The following ARB2A variants were observed in gnomAD, a reference collection of about 807,000 sequenced individuals.
ARB2A encodes cotranscriptional regulator ARB2A.
At chr5:93,707,864 C>T in the ARB2A span, among the ~76,000 whole-genome samples, 16 of 152,218 alleles carry the variant, frequency 1.1e-4, no homozygotes, top group South Asian at 4.1e-4. Context: ...GATGAGCCAC[C>T]GCGCTCGACC....
At chr5:94,053,463 C>A in the ARB2A span, among the ~76,000 whole-genome samples, 8 of 152,014 alleles carry the variant, frequency 5.3e-5, no homozygotes, top group Non-Finnish European at 8.8e-5. Context: ...TTCTATACAC[C>A]ATTATATTTA....
At chr5:93,833,589 G>A in the ARB2A span, among the ~76,000 whole-genome samples, 2 of 152,104 alleles carry the variant, frequency 1.3e-5, no homozygotes, top group African/African-American at 4.8e-5. Context: ...CTTTTCAAAA[G>A]AATAAATCAA....
At chr5:93,967,994 G>A in the ARB2A span, among the ~76,000 whole-genome samples, 3 of 152,120 alleles carry the variant, frequency 2.0e-5, no homozygotes, top group South Asian at 6.2e-4. Context: ...AGACAATAGA[G>A]GAGACAAAAA....
the ARB2A span, among the ~76,000 whole-genome samples, chr5:93,699,462 C>T: frequency 3.0e-4 from 46 of 152,210 alleles, no homozygotes; most frequent in Non-Finnish European, 4.1e-4. Flanking sequence ...CACTGGTATT[C>T]ACTAACCATT....
At chr5:93,914,092 A>C in the ARB2A span, among the ~76,000 whole-genome samples, 1 of 151,940 alleles carries the variant, frequency 6.6e-6, no homozygotes, top group Non-Finnish European at 1.5e-5. Context: ...GAACAAAGAA[A>C]GTCACAGTAG....
the ARB2A span, among the ~76,000 whole-genome samples, chr5:94,083,369 A>G: frequency 6.6e-6 from 1 of 152,222 alleles, no homozygotes; most frequent in Non-Finnish European, 1.5e-5. Context: ...AGCACAATAC[A>G]AAACATTAGA....
chr5:93,872,093 C>T, the ARB2A span, among the ~76,000 whole-genome samples: 2 of 151,720 alleles, frequency 1.3e-5, no homozygotes, highest in African/African-American at 4.8e-5. Context: ...GGACTACAGG[C>T]GCGCACCACC....
At chr5:94,002,709 T>TA in the ARB2A span, among the ~76,000 whole-genome samples, 281 of 150,870 alleles carry the variant, frequency 1.9e-3, 1 homozygote, top group Admixed American at 0.015. Flanking sequence ...TCTTTTTTTT[T>TA]AAAAAAAAAG....
chr5:94,042,399 G>A, the ARB2A span, among the ~76,000 whole-genome samples: 20 of 139,954 alleles, frequency 1.4e-4, 1 homozygote, highest in East Asian at 4.0e-3. Context: ...TCTGCCTCCC[G>A]GGCTCATGCC....
At chr5:94,045,423 T>TA in the ARB2A span, among the ~76,000 whole-genome samples, 5 of 152,176 alleles carry the variant, frequency 3.3e-5, no homozygotes, top group Admixed American at 2.0e-4. Flanking sequence ...ACATAAGTGT[T>TA]AAAATCTTCC....
chr5:93,946,955 G>A, the ARB2A span, among the ~76,000 whole-genome samples: 1 of 152,080 alleles, frequency 6.6e-6, no homozygotes, highest in Non-Finnish European at 1.5e-5. Context: ...TCTGATAGAA[G>A]AGTATTATAT....
At chr5:93,720,120 TTC>T in the ARB2A span, among the ~76,000 whole-genome samples, 2 of 152,214 alleles carry the variant, frequency 1.3e-5, no homozygotes, top group African/African-American at 4.8e-5. Context: ...TAATCTTCAA[TTC>T]TGTTTCCTCA....
chr5:93,840,498 A>G, the ARB2A span, among the ~76,000 whole-genome samples: 1 of 152,012 alleles, frequency 6.6e-6, no homozygotes, highest in Admixed American at 6.6e-5. Flanking sequence ...AACTCCACCC[A>G]CCTGTTTTTC....
chr5:94,059,808 G>A, the ARB2A span, among the ~76,000 whole-genome samples: 6 of 150,618 alleles, frequency 4.0e-5, no homozygotes, highest in South Asian at 1.3e-3. Context: ...CCAAATAGAA[G>A]AAATAAAGAT....
At chr5:93,841,513 A>G in the ARB2A span, among the ~76,000 whole-genome samples, 2 of 152,148 alleles carry the variant, frequency 1.3e-5, no homozygotes, top group African/African-American at 4.8e-5. Context: ...GGCGTGAAGG[A>G]GGGGCTGTCC....
the ARB2A span, among the ~76,000 whole-genome samples, chr5:94,094,153 G>T: frequency 6.6e-6 from 1 of 152,176 alleles, no homozygotes; most frequent in African/African-American, 2.4e-5. Context: ...TAGTCAGGCT[G>T]CCATAACAAA....
At chr5:93,716,989 T>A in the ARB2A span, among the ~76,000 whole-genome samples, 1 of 152,150 alleles carries the variant, frequency 6.6e-6, no homozygotes, top group East Asian at 1.9e-4. Flanking sequence ...TTTTTTTTTC[T>A]TGATGAAGGA....
the ARB2A span, among the ~76,000 whole-genome samples, chr5:93,968,604 G>C: frequency 1.9e-3 from 286 of 152,170 alleles, 1 homozygote; most frequent in African/African-American, 6.5e-3. Context: ...TATGCATAAT[G>C]AGAATACAAG....
At chr5:93,749,337 G>A in the ARB2A span, among the ~76,000 whole-genome samples, 1 of 152,140 alleles carries the variant, frequency 6.6e-6, no homozygotes, top group Non-Finnish European at 1.5e-5. Context: ...GAGATCTGTG[G>A]ACTGAAGGGC....
Sources: gnomAD v4.1 joint callset for allele counts (sites outside exome capture counted in the v4.1 genomes callset) on GRCh38, gnomAD v4.1.1 for gene constraint, MANE v1.5 for transcripts, NCBI Gene and HGNC (gene_info 2026-07-23, HGNC 2026-07-21) for gene names.